Variants in PIEZO2 observed in about 807,000 individuals in gnomAD.
The protein encoded by PIEZO2 is piezo type mechanosensitive ion channel component 2.
Under a neutral mutation model 337.3 loss-of-function variants are expected in PIEZO2, and 172 were observed. The ratio of observed to expected loss-of-function variants is 0.51; its 90% CI spans 0.45 to 0.58. PIEZO2 has a LOEUF of 0.58. PIEZO2 is among the 20% of genes least tolerant of loss of function. PIEZO2 has a pLI of 0.00. For synonymous variants in PIEZO2, 1,251 were observed against 1,228.5 expected (o/e 1.02, Z -0.38); for missense variants, 3,028 against 3,391.3 (o/e 0.89, Z 2.66).
chr18:10,905,875 C>T (rs76292776), intron 4 of PIEZO2, among the ~76,000 whole-genome samples: 3 of 152,292 alleles, frequency 2.0e-5, no homozygotes, highest in East Asian at 1.9e-4. Context: ...GCATTGCCCA[C>T]GGCACCAGGG....
Position 10,699,137 on chromosome 18 carries a change from C to T in PIEZO2, c.6482G>A (p.Gly2161Asp). 6.5e-7 allele frequency: 1 copy of T among 1,537,244 alleles called. No individual in the cohort carries two copies. The highest frequency in any genetic ancestry group is 8.7e-7 in the Non-Finnish European group (1 of 1,146,908). Residue 2161 changes from glycine (G) to aspartate (D), a missense_variant, in exon 44 of 56, where the codon GGC (glycine) becomes GAC (aspartate). Coordinates refer to ENST00000674853, the MANE Select transcript of PIEZO2 (RefSeq NM_001378183.1). ...LWDEDDMTESGMAREESDDEL... is the reference protein window; with the variant it reads ...LWDEDDMTESDMAREESDDEL... The stretch of plus-strand genomic sequence containing the variant: ...ATCATCTGATTCCTCCCTGGCCATG[C>T]CACTTTCAGTCATGTCATCTTCATC...
chr18:10,825,550 C>CTTTTTTTTTTTTTTT (rs57159292), intron 7 of PIEZO2, among the ~76,000 whole-genome samples: 16 of 113,834 alleles, frequency 1.4e-4, no homozygotes, highest in South Asian at 3.1e-4. Context: ...TCCTTTCTTC[C>CTTTTTTTTTTTTTTT]TTTTTTTTTT....
Position 11,047,030 on chromosome 18 carries a change from T to A in PIEZO2, c.160+19097A>T, listed in dbSNP as rs1019804107. Among the ~76,000 whole-genome samples, 3 of 152,224 alleles carry A rather than the reference T, an allele frequency of 2.0e-5. No homozygotes were observed. The highest frequency in any genetic ancestry group is 7.2e-5 in the African/African-American group (3 of 41,458). On this transcript the variant is annotated intron_variant, in intron 2 of 55. Transcript: ENST00000674853. The surrounding 1 kb of genome is among the most constrained non-coding windows in gnomAD (Gnocchi z 7.2). ...TATTCTAGTTTATGCAATTCAGAAC[T>A]ACAGTATTAGGTTTTGGTAGCAAAA... is the stretch of plus-strand genomic sequence containing the variant.
At chr18:11,071,548 A>C (rs1011741257) in intron 1 of PIEZO2, among the ~76,000 whole-genome samples, 6 of 152,206 alleles carry the variant, frequency 3.9e-5, no homozygotes, top group Non-Finnish European at 5.9e-5. Context: ...AAGGCAAAGC[A>C]TGTGGTATGT....
intron 3 of PIEZO2, among the ~76,000 whole-genome samples, chr18:10,948,483 T>C (rs111508354): frequency 1.3e-5 from 2 of 152,224 alleles, no homozygotes; most frequent in African/African-American, 4.8e-5. Context: ...GTGCTTAATT[T>C]GTTGCATTGA....
At position 10,835,067 on chromosome 18, in the gene PIEZO2, G is replaced by C. The variant is rs548420258; in HGVS notation, c.917+20286C>G. ...GCTCTTTCACCCCTCCATCATGTGA[G>C]GACACATCTAGAAGGTACTATCTGT... On this transcript the variant is annotated intron_variant, in intron 7 of 55. Coordinates refer to ENST00000674853, the MANE Select transcript of PIEZO2 (RefSeq NM_001378183.1). Among the ~76,000 whole-genome samples, 245 of 152,292 alleles carry C rather than the reference G, an allele frequency of 1.6e-3. 3 individuals are homozygous for C. In the Middle Eastern group the frequency reaches 0.027, roughly 17 times the overall value.
intron 26 of PIEZO2, among the ~76,000 whole-genome samples, chr18:10,758,463 T>A (rs948072303): frequency 1.2e-4 from 18 of 152,078 alleles, no homozygotes; most frequent in Non-Finnish European, 1.8e-4. Flanking sequence ...TGTGTGTGTG[T>A]GAGACAGAGT....
At chr18:10,765,760 G>A (rs9961231) in intron 21 of PIEZO2, among the ~76,000 whole-genome samples, 5,455 of 121,568 alleles carry the variant, frequency 0.045, 280 homozygotes, top group African/African-American at 0.14. Flanking sequence ...TTGTGAGCTC[G>A]TGAGCTCACC....
In PIEZO2 at chr18:10,807,245, G is replaced by A. The variant is rs374993280; in HGVS notation, c.947C>T (p.Thr316Met). 1.9e-5 allele frequency: 29 copies of A among 1,536,662 alleles called. 1 individual carries two copies. Among genetic ancestry groups the A allele is most frequent in the South Asian group, 9.5e-5 (8 of 84,024 alleles). The change falls in exon 8 of 56, where the codon ACG (threonine) becomes ATG (methionine). Residue 316 changes from threonine (T) to methionine (M), a missense_variant. This residue lies in a region of PIEZO2 where 542 missense variants were observed against 605.6 expected (regional missense o/e 0.89). Coordinates refer to ENST00000674853, the MANE Select transcript of PIEZO2 (RefSeq NM_001378183.1). ...RLFGIKSVIQ[T>M]DCSSTWKIIV... ...GATCTTCCAAGTACTTGAACAGTCC[G>A]TTTGAATTACTGACTTGATACCAAA...
At chr18:10,712,994 T>C (rs556789710) in intron 39 of PIEZO2, among the ~76,000 whole-genome samples, 1 of 152,258 alleles carries the variant, frequency 6.6e-6, no homozygotes, top group Non-Finnish European at 1.5e-5. Flanking sequence ...AAGAAAAATA[T>C]AGTCTCTTTT....
Position 11,109,406 on chromosome 18 carries a change from C to T in PIEZO2, c.64+39119G>A, listed in dbSNP as rs576756452. Among the ~76,000 whole-genome samples the T allele has an allele frequency of 3.9e-5, 6 of 152,202 alleles. No homozygotes were observed. The East Asian group carries it at 9.7e-4, about 24-fold the overall frequency. On this transcript the variant is annotated intron_variant, in intron 1 of 55. Coordinates refer to ENST00000674853, the MANE Select transcript of PIEZO2 (RefSeq NM_001378183.1). This position sits in a 1 kb window ranked among gnomAD's most constrained non-coding sequence, Gnocchi z 5.1. ...GGCAGGTGGGAGCTGGGGGGTGTAG[C>T]TCTGATTTCAGTATGGAATTAGAAA...
Position 10,801,415 on chromosome 18 carries a change from G to A in PIEZO2, c.1214C>T (p.Thr405Ile). The change falls in exon 10 of 56, where the codon ACC (threonine) becomes ATC (isoleucine). Residue 405 changes from threonine (T) to isoleucine (I), a missense_variant. This residue lies in a region of PIEZO2 where 542 missense variants were observed against 605.6 expected (regional missense o/e 0.89). Transcript: ENST00000674853. ...PTDERKLLSM[T>I]QDDYKPSDGL... ...ATCAGATGGTTTGTAGTCATCCTGG[G>A]TCATGGATAAAAGCTGCAAAAAGCA... 4 of 1,509,194 alleles carry A rather than the reference G, an allele frequency of 2.7e-6. No individual in the cohort carries two copies. The highest frequency in any genetic ancestry group is 1.2e-5 in the South Asian group (1 of 83,442). 93.5% of individuals were successfully genotyped at this position (1,509,194 alleles called of 1,614,324 possible). A position where few individuals can be genotyped will look rare whatever the true frequency, so the allele number is the denominator to read the frequency against.
chr18:10,796,921 C>T (rs138770346), intron 12 of PIEZO2, among the ~76,000 whole-genome samples: 1 of 152,194 alleles, frequency 6.6e-6, no homozygotes, highest in Non-Finnish European at 1.5e-5. Context: ...TACATACCAT[C>T]ATATATGTAC....
At chr18:10,998,467 C>T (rs1052633291) in intron 2 of PIEZO2, among the ~76,000 whole-genome samples, 1 of 151,950 alleles carries the variant, frequency 6.6e-6, no homozygotes, top group African/African-American at 2.4e-5. Flanking sequence ...TTGGTGTGTA[C>T]AGAAATAATT....
chr18:10,712,922 T>C (rs1248953214), intron 39 of PIEZO2, among the ~76,000 whole-genome samples: 1 of 152,120 alleles, frequency 6.6e-6, no homozygotes, highest in Admixed American at 6.5e-5. Context: ...AAATATACAA[T>C]AATAGATGAA....
At chr18:10,889,766 A>C (rs949348554) in intron 4 of PIEZO2, among the ~76,000 whole-genome samples, 23 of 152,228 alleles carry the variant, frequency 1.5e-4, no homozygotes, top group African/African-American at 5.5e-4. Context: ...CCTCATCCTC[A>C]TTCTCCTCCC....
At chr18:10,687,512 T>C (rs79858627) in intron 49 of PIEZO2, among the ~76,000 whole-genome samples, 5,082 of 152,258 alleles carry the variant, frequency 0.033, 119 homozygotes, top group Non-Finnish European at 0.05. Flanking sequence ...TCAATGTTTA[T>C]AGTAGGCTGC....
chr18:11,130,560 C>A (rs530150032), intron 1 of PIEZO2, among the ~76,000 whole-genome samples: 63 of 152,352 alleles, frequency 4.1e-4, no homozygotes, highest in Non-Finnish European at 7.6e-4. Context: ...ATTATGCTAA[C>A]TGGATCCAGT....
chr18:10,689,925 T>G (rs2034728096), intron 48 of PIEZO2, 123 bp from the exon 49 acceptor site: 1 of 1,176,670 alleles, frequency 8.5e-7, no homozygotes, highest in Non-Finnish European at 1.2e-6. Context: ...ATTCTCTAGG[T>G]GACCCTTCCA....
Sources: allele counts gnomAD v4.1 joint callset (sites outside exome capture counted in the v4.1 genomes callset), GRCh38; gene constraint gnomAD v4.1.1; regional missense constraint gnomAD v4.1.1; non-coding constraint Gnocchi (gnomAD v3.1); transcripts MANE v1.5; gene names NCBI Gene and HGNC (gene_info 2026-07-23, HGNC 2026-07-21).